The following ST6GALNAC1 variants were observed in gnomAD, a reference collection of about 807,000 sequenced individuals.
ST6GALNAC1 encodes ST6 N-acetylgalactosaminide alpha-2,6-sialyltransferase 1.
Under a neutral mutation model 56.8 loss-of-function variants are expected in ST6GALNAC1, and 45 were observed. That is an observed-to-expected ratio of 0.79 (90% CI 0.62 to 1.02). The LOEUF (loss-of-function observed/expected upper bound fraction) is 1.02, where lower values mean the gene tolerates loss of function less well. Among genes scored for constraint, ST6GALNAC1 ranks in the 50% least tolerant of loss-of-function variants. The pLI is 0.00. For synonymous variants in ST6GALNAC1, 295 were observed against 297.8 expected (o/e 0.99, Z 0.10); for missense variants, 743 against 754.8 (o/e 0.98, Z 0.18).
chr17:76,630,056 G>T lies in ST6GALNAC1; in HGVS notation c.132-345C>A, dbSNP rs2075869949. The stretch of plus-strand genomic sequence containing the variant: ...CTGCCTCGGCCTCCCAAAGTGTTGG[G>T]ATGACACGTGTGAGCCACCGTGCCT... On this transcript the variant is annotated intron_variant, in intron 1 of 8. Transcript: ENST00000156626. Among the ~76,000 whole-genome samples, 3 of 152,116 alleles carry T rather than the reference G, an allele frequency of 2.0e-5. No homozygotes were observed. In the South Asian group the frequency reaches 6.2e-4, roughly 32 times the overall value.
intron 8 of ST6GALNAC1, 23 bp downstream of exon 8, chr17:76,625,796 C>T: frequency 1.3e-6 from 2 of 1,505,314 alleles, no homozygotes; most frequent in Non-Finnish European, 1.8e-6. Flanking sequence ...CCAGGTATTT[C>T]TGCAGCTGCA....
intron 1 of ST6GALNAC1, among the ~76,000 whole-genome samples, chr17:76,639,610 T>C (rs913099236): frequency 2.0e-5 from 3 of 147,824 alleles, no homozygotes; most frequent in Non-Finnish European, 4.4e-5. Flanking sequence ...ATTCATGTAA[T>C]CTCACAAATT....
chr17:76,621,929 A>G (rs1383802426), downstream of ST6GALNAC1, among the ~76,000 whole-genome samples: 1 of 143,846 alleles, frequency 7.0e-6, no homozygotes, highest in Non-Finnish European at 1.5e-5. Flanking sequence ...TAATTTGTTT[A>G]AAGTCTTTCT....
chr17:76,629,105 C>G lies in ST6GALNAC1; in HGVS notation c.738G>C (p.Gln246His). The stretch of plus-strand genomic sequence containing the variant: ...TGGCGGCCTTCAGTCTTTGGTTTCT[C>G]TGCGTCGTGGGGCTCTGGAAAGGGG... ...PPAPFQSPTT[Q>H]RNQRLKAANF... is the part of the protein sequence containing the mutation. The change falls in exon 2 of 9, where the codon CAG (glutamine) becomes CAC (histidine). Residue 246 changes from glutamine to histidine, a missense_variant. Coordinates refer to ENST00000156626, the MANE Select transcript of ST6GALNAC1 (RefSeq NM_018414.5). 1 of 1,600,554 alleles carries G rather than the reference C, an allele frequency of 6.2e-7. No individual in the cohort carries two copies. The highest frequency in any genetic ancestry group is 1.1e-5 in the South Asian group (1 of 90,200).
chr17:76,639,638 A>AACACACACACACAC lies in ST6GALNAC1; in HGVS notation c.131+3856_131+3869dup, dbSNP rs55706272. Among the ~76,000 whole-genome samples the AACACACACACACAC allele has an allele frequency of 4.4e-4, 55 of 125,242 alleles. 2 individuals carry two copies. Among genetic ancestry groups the AACACACACACACAC allele is most frequent in the African/African-American group, 1.4e-3 (43 of 30,826 alleles). 82.2% of individuals were successfully genotyped at this position (125,242 alleles called of 152,430 possible). A position where few individuals can be genotyped will look rare whatever the true frequency, so the allele number is the denominator to read the frequency against. On this transcript the variant is annotated intron_variant, in intron 1 of 8. Transcript: ENST00000156626. ...CACAAATTCATATAATTACATGATA[A>AACACACACACACAC]ACACACACACACACACACACACACA... is the stretch of plus-strand genomic sequence containing the variant.
chr17:76,626,626 G>C (rs1193915571), intron 5 of ST6GALNAC1, 25 bp downstream of exon 5: 3 of 1,613,650 alleles, frequency 1.9e-6, no homozygotes, highest in Non-Finnish European at 2.5e-6. Flanking sequence ...TCTGGGTGTG[G>C]CCAGGCTCCT....
downstream of ST6GALNAC1, among the ~76,000 whole-genome samples, chr17:76,624,295 G>A (rs1173744990): frequency 1.3e-5 from 2 of 151,950 alleles, no homozygotes; most frequent in African/African-American, 4.8e-5. Flanking sequence ...CTGTCGCCCA[G>A]GCTGGAGTGC....
At position 76,629,049 on chromosome 17, in the gene ST6GALNAC1, T is replaced by G; in HGVS notation, c.794A>C (p.Glu265Ala). 1 of 1,546,996 alleles carries G rather than the reference T, an allele frequency of 6.5e-7. No individual in the cohort carries two copies. Among genetic ancestry groups the G allele is most frequent in the Non-Finnish European group, 8.7e-7 (1 of 1,148,310 alleles). ...TCCTATTTCGAAGCTGTATTTTTCC[T>G]CAAAATCCCACCGAGGCTCAGATTT... ...NFKSEPRWDF[E>A]EKYSFEIGGL... is the part of the protein sequence containing the mutation. The change falls in exon 2 of 9, where the codon GAG becomes GCG. Residue 265 changes from glutamate to alanine, a missense_variant. By Grantham distance (107) the Glu-to-Ala change is moderately radical. Transcript: ENST00000156626.
Position 76,627,156 on chromosome 17 carries a change from C to T in ST6GALNAC1, c.1083G>A (p.Arg361=), listed in dbSNP as rs147250338. 156 of 1,605,452 alleles carry T rather than the reference C, an allele frequency of 9.7e-5. No individual in the cohort carries two copies. Among genetic ancestry groups the T allele is most frequent in the Admixed American group, 4.8e-4 (28 of 58,848 alleles). Residue 361 remains arginine (R), a synonymous_variant, in exon 4 of 9, where the codon CGG becomes CGA. Coordinates refer to ENST00000156626, the MANE Select transcript of ST6GALNAC1 (RefSeq NM_018414.5). This position sits in a 1 kb window ranked among gnomAD's most constrained non-coding sequence, Gnocchi z 4.4. ...LLASLPAGSL[R]CITCAVVGNG... ...TGCCCACCACGGCACAGGTGATGCA[C>T]CGGAGGCTCCCAGCGGGGAGGCTGG...
At chr17:76,636,773 C>T (rs2075980216) in intron 1 of ST6GALNAC1, among the ~76,000 whole-genome samples, 1 of 152,086 alleles carries the variant, frequency 6.6e-6, no homozygotes, top group Non-Finnish European at 1.5e-5. Context: ...GGAGGTGTAC[C>T]CAACAGCTCA....
Position 76,629,219 on chromosome 17 carries a change from T to C in ST6GALNAC1, c.624A>G (p.Gly208=), listed in dbSNP as rs2075856091. Residue 208 remains glycine (G), a synonymous_variant, in exon 2 of 9, where the codon GGA becomes GGG. Transcript: ENST00000156626. The stretch of plus-strand genomic sequence containing the variant: ...TCTGTCTCGTCCTTGTTGACACTGC[T>C]CCTGTGGGAGCCAGCATTCTGTGCT... ...KSQHRMLAPT[G]AVSTRTRQKG... The C allele has an allele frequency of 1.2e-6, 2 of 1,614,120 alleles. No homozygotes were observed. Among genetic ancestry groups the C allele is most frequent in the Non-Finnish European group, 1.7e-6 (2 of 1,180,024 alleles).
At chr17:76,626,885 A>G in intron 4 of ST6GALNAC1, 96 bp from the exon 5 acceptor site, 1 of 1,540,198 alleles carries the variant, frequency 6.5e-7, no homozygotes. Flanking sequence ...GGGAGGCAGC[A>G]GTTATGTGCG....
intron 1 of ST6GALNAC1, among the ~76,000 whole-genome samples, chr17:76,642,462 G>C (rs1336548171): frequency 6.6e-6 from 1 of 152,188 alleles, no homozygotes; most frequent in African/African-American, 2.4e-5. Flanking sequence ...TACTATAGCA[G>C]TGTTAGCTAC....
chr17:76,626,574 C>G, intron 5 of ST6GALNAC1, 77 bp downstream of exon 5: 8 of 1,594,570 alleles, frequency 5.0e-6, no homozygotes, highest in South Asian at 1.1e-5. Flanking sequence ...GGATGAAAGC[C>G]TCTCCTCTCC....
At chr17:76,635,847 A>G (rs910019835) in intron 1 of ST6GALNAC1, among the ~76,000 whole-genome samples, 3 of 152,180 alleles carry the variant, frequency 2.0e-5, no homozygotes, top group African/African-American at 7.2e-5. Flanking sequence ...TATAAGAGAA[A>G]CAGACATGAG....
At chr17:76,633,178 C>T (rs1392757866) in intron 1 of ST6GALNAC1, among the ~76,000 whole-genome samples, 3 of 152,018 alleles carry the variant, frequency 2.0e-5, no homozygotes, top group Admixed American at 6.6e-5. Context: ...TACTGCACTC[C>T]AGCCTGGGTG....
In ST6GALNAC1 at chr17:76,643,711, C is replaced by A; in HGVS notation, c.-73G>T. 1 of 1,504,684 alleles carries A rather than the reference C, an allele frequency of 6.6e-7. No individual in the cohort carries two copies. Among genetic ancestry groups the A allele is most frequent in the Admixed American group, 1.8e-5 (1 of 54,264 alleles). The allele number at this position is 1,504,684 out of a possible 1,614,324, so 93.2% of individuals were successfully genotyped here. A position where few individuals can be genotyped will look rare whatever the true frequency, so the allele number is the denominator to read the frequency against. On this transcript the variant is annotated 5_prime_UTR_variant, in exon 1 of 9. Coordinates refer to ENST00000156626, the MANE Select transcript of ST6GALNAC1 (RefSeq NM_018414.5). ...TGATGTAGGCAGCTGGGAGTCTCAC[C>A]GCTCAGGTTTCCTGGCCAGGAAGTG...
At chr17:76,622,555 G>C (rs1181096371), downstream of ST6GALNAC1, among the ~76,000 whole-genome samples, 3 of 151,980 alleles carry the variant, frequency 2.0e-5, no homozygotes, top group East Asian at 3.9e-4. Flanking sequence ...AGTAGAGATG[G>C]GGTTTCGCCA....
intron 5 of ST6GALNAC1, 111 bp from the exon 6 acceptor site, chr17:76,626,503 ACTGT>A: frequency 6.7e-7 from 1 of 1,491,654 alleles, no homozygotes; most frequent in East Asian, 2.3e-5. Context: ...GACTGGTCTG[ACTGT>A]CCTCCCCACT....
Sources: allele counts gnomAD v4.1 joint callset (sites outside exome capture counted in the v4.1 genomes callset), GRCh38; gene constraint gnomAD v4.1.1; non-coding constraint Gnocchi (gnomAD v3.1); transcripts MANE v1.5; gene names NCBI Gene and HGNC (gene_info 2026-07-23, HGNC 2026-07-21).